The following CMIP variants were observed in gnomAD, a reference collection of about 807,000 sequenced individuals.
The protein encoded by CMIP is C-Maf-inducing protein.
Under a neutral mutation model 97.3 loss-of-function variants are expected in CMIP, and 13 were observed. The observed-to-expected ratio is 0.13, with a 90% CI of 0.09 to 0.21. The LOEUF (loss-of-function observed/expected upper bound fraction) is 0.21. CMIP is among the 10% of genes least tolerant of loss of function. The pLI is 1.00. For missense variants in CMIP, 847 were observed against 1,024.9 expected (o/e 0.83, Z 2.37); for synonymous variants, 538 against 436.3 (o/e 1.23, Z -2.91).
chr16:81,692,613 C>T (rs538905048), intron 11 of CMIP, among the ~76,000 whole-genome samples: 1 of 152,348 alleles, frequency 6.6e-6, no homozygotes, highest in African/African-American at 2.4e-5. Flanking sequence ...ATGTGCTGGC[C>T]TGGCCAGTCC....
intron 1 of CMIP, among the ~76,000 whole-genome samples, chr16:81,599,933 G>T (rs1335330072): frequency 6.6e-6 from 1 of 152,048 alleles, no homozygotes; most frequent in East Asian, 1.9e-4. Flanking sequence ...ATATGGGTGG[G>T]GTGTAGTGAG....
chr16:81,704,045 A>G lies in CMIP; in HGVS notation c.2051A>G (p.Lys684Arg). 1 of 1,605,686 alleles carries G rather than the reference A, an allele frequency of 6.2e-7. No individual in the cohort carries two copies. Among genetic ancestry groups the G allele is most frequent in the Non-Finnish European group, 8.5e-7 (1 of 1,176,768 alleles). The change falls in exon 18 of 21, where the codon AAA becomes AGA. Residue 684 changes from lysine (K) to arginine (R), a missense_variant. Lys to Arg is a conservative substitution (Grantham distance 26). This residue lies in a region of CMIP where 266 missense variants were observed against 384.2 expected (regional missense o/e 0.69). Coordinates refer to ENST00000537098, the MANE Select transcript of CMIP (RefSeq NM_198390.3). ...AGTGCCTGCGCCGAGCACCTCATCA[A>G]ACTGCCTTCGCTCAAGCAGCTGAAC... ...VTSACAEHLI[K>R]LPSLKQLNLW...
chr16:81,699,028 G>T (rs1199653401), intron 14 of CMIP, among the ~76,000 whole-genome samples: 1 of 152,174 alleles, frequency 6.6e-6, no homozygotes, highest in South Asian at 2.1e-4. Context: ...GAGTTGGGTG[G>T]ACCACTTGAG....
chr16:81,629,134 T>TAAAAAAAA (rs10533097), intron 3 of CMIP, among the ~76,000 whole-genome samples: 5 of 45,696 alleles, frequency 1.1e-4, no homozygotes, highest in Non-Finnish European at 1.6e-4. Flanking sequence ...AAACTGTGCT[T>TAAAAAAAA]AAAAAAAAAA....
intron 3 of CMIP, among the ~76,000 whole-genome samples, chr16:81,635,374 G>A (rs180842215): frequency 2.7e-4 from 41 of 152,104 alleles, no homozygotes; most frequent in African/African-American, 9.4e-4. Context: ...GGATTTGGTC[G>A]GCTTCATTTT....
intron 1 of CMIP, among the ~76,000 whole-genome samples, chr16:81,575,824 C>T (rs1262477813): frequency 6.6e-6 from 1 of 152,158 alleles, no homozygotes; most frequent in East Asian, 1.9e-4. Flanking sequence ...CAGTGATGGT[C>T]TGTAAGGGCA....
Position 81,614,606 on chromosome 16 carries a change from G to A in CMIP, c.427-6270G>A, listed in dbSNP as rs546966166. 2.2e-4 allele frequency among the ~76,000 whole-genome samples: 34 copies of A among 152,252 alleles called. No homozygotes were observed. The highest frequency in any genetic ancestry group is 8.2e-4 in the African/African-American group (34 of 41,534). ...CCTGGGTCCTTAAGCCGTGGTCCAT[G>A]GTAGATTCCAAAACTACCTGCACAG... is the stretch of plus-strand genomic sequence containing the variant. On this transcript the variant is annotated intron_variant, in intron 2 of 20. Transcript: ENST00000537098. This position sits in a 1 kb window ranked among gnomAD's most constrained non-coding sequence, Gnocchi z 5.3.
chr16:81,618,363 C>T (rs1360707617), intron 2 of CMIP: 1 of 152,246 alleles, frequency 6.6e-6, no homozygotes, highest in African/African-American at 2.4e-5. Flanking sequence ...CTTGTGAGTA[C>T]CCTTGTGATT....
intron 14 of CMIP, chr16:81,697,041 G>T: frequency 4.2e-6 from 1 of 239,644 alleles, no homozygotes. Context: ...AGTGCCCAAC[G>T]GGACCAGGGA....
intron 9 of CMIP, among the ~76,000 whole-genome samples, chr16:81,677,998 A>T (rs1194950179): frequency 6.6e-6 from 1 of 152,220 alleles, no homozygotes; most frequent in Admixed American, 6.5e-5. Context: ...TCGGTCAGCA[A>T]ATATTTTTTG....
intron 6 of CMIP, among the ~76,000 whole-genome samples, chr16:81,661,829 G>T (rs1422112506): frequency 2.0e-5 from 3 of 151,956 alleles, no homozygotes; most frequent in African/African-American, 7.2e-5. Context: ...AGATTCAGTT[G>T]TCCTCCTGGA....
At chr16:81,553,590 GA>G (rs2090703201) in intron 1 of CMIP, among the ~76,000 whole-genome samples, 2 of 152,226 alleles carry the variant, frequency 1.3e-5, no homozygotes. Context: ...CGGCAGTGGG[GA>G]GGGTGCTCAG....
At chr16:81,656,145 G>T (rs549164032) in intron 4 of CMIP, among the ~76,000 whole-genome samples, 1 of 152,342 alleles carries the variant, frequency 6.6e-6, no homozygotes, top group Middle Eastern at 3.4e-3. Context: ...AGGTCAGGAC[G>T]TCTCATGGGG....
At chr16:81,584,656 A>T (rs911328769) in intron 1 of CMIP, among the ~76,000 whole-genome samples, 3 of 152,164 alleles carry the variant, frequency 2.0e-5, no homozygotes, top group Non-Finnish European at 4.4e-5. Context: ...AGGAAGACTG[A>T]AGCTCATGGA....
intron 3 of CMIP, among the ~76,000 whole-genome samples, chr16:81,646,662 T>C (rs1406314915): frequency 1.3e-5 from 2 of 152,254 alleles, no homozygotes; most frequent in Non-Finnish European, 2.9e-5. Flanking sequence ...CCCCAGGCAA[T>C]GAATGTTCCA....
chr16:81,451,377 C>T (rs1452711268), intron 1 of CMIP, among the ~76,000 whole-genome samples: 1 of 152,224 alleles, frequency 6.6e-6, no homozygotes, highest in Non-Finnish European at 1.5e-5. Context: ...CCCCCAGCCA[C>T]GTGGAACTGT....
In CMIP at chr16:81,626,301, C is replaced by T. The variant is rs2092061674; in HGVS notation, c.477+5375C>T. ...TGTGACTGTGTGTTGTGTGGGGTGA[C>T]TATTTTATGAGTGTGGTGAGGTGAC... On this transcript the variant is annotated intron_variant, in intron 3 of 20. Coordinates refer to ENST00000537098, the MANE Select transcript of CMIP (RefSeq NM_198390.3). Among the ~76,000 whole-genome samples, 10 of 151,292 alleles carry T rather than the reference C, an allele frequency of 6.6e-5. 1 individual carries two copies. Among genetic ancestry groups the T allele is most frequent in the Admixed American group, 6.6e-4 (10 of 15,190 alleles).
At chr16:81,607,112 A>G (rs967028449) in intron 1 of CMIP, among the ~76,000 whole-genome samples, 4 of 152,258 alleles carry the variant, frequency 2.6e-5, no homozygotes, top group Middle Eastern at 6.8e-3. Flanking sequence ...GGGTGGGGCT[A>G]TGGAGTTTTC....
intron 1 of CMIP, among the ~76,000 whole-genome samples, chr16:81,494,311 G>C (rs540156106): frequency 6.6e-6 from 1 of 152,342 alleles, no homozygotes; most frequent in East Asian, 1.9e-4. Flanking sequence ...GCCAGCTGCA[G>C]GTGTTTCCAG....
Sources: allele counts gnomAD v4.1 joint callset (sites outside exome capture counted in the v4.1 genomes callset), GRCh38; gene constraint gnomAD v4.1.1; regional missense constraint gnomAD v4.1.1; non-coding constraint Gnocchi (gnomAD v3.1); transcripts MANE v1.5; gene names NCBI Gene and HGNC (gene_info 2026-07-23, HGNC 2026-07-21).